Variants in IGSF3 observed in about 807,000 individuals in gnomAD.
IGSF3 encodes immunoglobulin superfamily member 3.
Under a neutral mutation model 114.4 loss-of-function variants are expected in IGSF3, and 23 were observed. That is an observed-to-expected ratio of 0.20 (90% CI 0.14 to 0.28). IGSF3 has a LOEUF of 0.28. Ranked by LOEUF, IGSF3 falls within the 10% of genes least tolerant of loss-of-function variation. IGSF3 has a pLI of 1.00. For synonymous variants in IGSF3, 571 were observed against 645.2 expected, an observed-to-expected ratio of 0.88 and a Z score of 1.74; for missense variants, 1,172 against 1,591.5, an observed-to-expected ratio of 0.74 and a Z score of 4.48.
In IGSF3 at chr1:116,664,100, A is replaced by C. The variant is rs1457967975; in HGVS notation, c.43+2184T>G. Among the ~76,000 whole-genome samples, 1 of 152,146 alleles carries C rather than the reference A, an allele frequency of 6.6e-6. No homozygotes were observed. The highest frequency in any genetic ancestry group is 6.5e-5 in the Admixed American group (1 of 15,280). On this transcript the variant is annotated intron_variant, in intron 2 of 10. Coordinates refer to ENST00000369486, the MANE Select transcript of IGSF3 (RefSeq NM_001007237.3). The surrounding 1 kb of genome is among the most constrained non-coding windows in gnomAD (Gnocchi z 4.6). Reference sequence around the variant, plus strand: ...AGTAGCCAGGCCTCCTTCCTGCCATACTGAGAGCCATCAGGTGAAGAGAAA... The same window carrying C: ...AGTAGCCAGGCCTCCTTCCTGCCATCCTGAGAGCCATCAGGTGAAGAGAAA...
intron 2 of IGSF3, among the ~76,000 whole-genome samples, chr1:116,646,087 T>C (rs571100963): frequency 7.2e-5 from 11 of 152,222 alleles, no homozygotes; most frequent in Non-Finnish European, 4.4e-5. Context: ...TGAGGGGTCA[T>C]AGAAGTGCCT....
At chr1:116,619,016 A>AT (rs996070923) in intron 2 of IGSF3, among the ~76,000 whole-genome samples, 62 of 151,626 alleles carry the variant, frequency 4.1e-4, no homozygotes, top group African/African-American at 1.0e-3. Context: ...ATTAATTAGG[A>AT]TTTTTTTTTG....
chr1:116,601,950 C>G (rs994093057), intron 6 of IGSF3, among the ~76,000 whole-genome samples: 1 of 152,250 alleles, frequency 6.6e-6, no homozygotes, highest in African/African-American at 2.4e-5. Context: ...ATGCCATGGT[C>G]ACAGAGCACC....
In IGSF3 at chr1:116,633,406, T is replaced by A. The variant is rs190902078; in HGVS notation, c.44-16949A>T. On this transcript the variant is annotated intron_variant, in intron 2 of 10. Coordinates refer to ENST00000369486, the MANE Select transcript of IGSF3 (RefSeq NM_001007237.3). The surrounding 1 kb of genome is among the most constrained non-coding windows in gnomAD (Gnocchi z 4.3). ...CTTTTTCTCTAAGGCTGATTCCCTA[T>A]AAGCAAAATTTTAAAATTTTTTTTA... Among the ~76,000 whole-genome samples the A allele has an allele frequency of 6.6e-6, 1 of 152,222 alleles. No individual in the cohort carries two copies. The highest frequency in any genetic ancestry group is 2.4e-5 in the African/African-American group (1 of 41,458).
At chr1:116,640,451 C>T (rs1477239981) in intron 2 of IGSF3, among the ~76,000 whole-genome samples, 2 of 152,218 alleles carry the variant, frequency 1.3e-5, no homozygotes, top group African/African-American at 2.4e-5. Context: ...CACTCTTGCA[C>T]ATTTTTATGC....
Position 116,616,147 on chromosome 1 carries a change from A to T in IGSF3, c.354T>A (p.Tyr118Ter). The change falls in exon 3 of 11, where the codon TAT becomes TAA. Residue 118 changes from tyrosine to a stop codon, truncating the protein, a stop_gained. Transcript: ENST00000369486. LOFTEE classifies it high-confidence loss of function. This position sits in a 1 kb window ranked among gnomAD's most constrained non-coding sequence, Gnocchi z 6.6. The part of the protein sequence containing the change: ...TDLQARDAGE[Y>*]ECHTPSTDKQ... ...TATCAGTGCTGGGTGTGTGGCATTC[A>T]TACTCCCCGGCATCCCGGGCCTGAA... is the stretch of plus-strand genomic sequence containing the variant. 1 of 1,613,828 alleles carries T rather than the reference A, an allele frequency of 6.2e-7. No individual in the cohort carries two copies. Among genetic ancestry groups the T allele is most frequent in the Non-Finnish European group, 8.5e-7 (1 of 1,179,720 alleles).
rs529963341 is a variant in IGSF3 at position 116,579,665 on chromosome 1, C to T, written c.3061G>A (p.Asp1021Asn). The T allele has an allele frequency of 8.4e-5, 129 of 1,542,612 alleles. No individual in the cohort carries two copies. The Middle Eastern group carries it at 8.4e-4, about 10-fold the overall frequency. Residue 1021 changes from aspartate (D) to asparagine (N), a missense_variant, in exon 10 of 11, where the codon GAC becomes AAC. Physicochemically the swap from Asp to Asn is conservative, Grantham distance 23. Coordinates refer to ENST00000369486, the MANE Select transcript of IGSF3 (RefSeq NM_001007237.3). This position sits in a 1 kb window ranked among gnomAD's most constrained non-coding sequence, Gnocchi z 6.4. The stretch of plus-strand genomic sequence containing the variant: ...TCTGTTGGGTCGTCGTCGTCGTCGT[C>T]GTCCTCCTCCTCCTCCTCCTCCCTT... ...EEREEEEEED[D>N]DDDDDPTERT...
Position 116,614,382 on chromosome 1 carries a change from T to C in IGSF3, c.422-207A>G, listed in dbSNP as rs1204363478. 2.0e-5 allele frequency among the ~76,000 whole-genome samples: 3 copies of C among 152,272 alleles called. No homozygotes were observed. Among genetic ancestry groups the C allele is most frequent in the African/African-American group, 7.2e-5 (3 of 41,478 alleles). On this transcript the variant is annotated intron_variant, in intron 3 of 10. Transcript: ENST00000369486. This position sits in a 1 kb window ranked among gnomAD's most constrained non-coding sequence, Gnocchi z 4.5. ...TTTGGAAATGCATTATTTTGGTGCTTACACTTACCTGTCTGGTATTTTAAT... is the reference window on the plus strand; with the variant it reads ...TTTGGAAATGCATTATTTTGGTGCTCACACTTACCTGTCTGGTATTTTAAT...
At chr1:116,620,118 C>T (rs1661367253) in intron 2 of IGSF3, among the ~76,000 whole-genome samples, 1 of 152,128 alleles carries the variant, frequency 6.6e-6, no homozygotes, top group Admixed American at 6.6e-5. Flanking sequence ...CAGTTCCTGG[C>T]ACTGAGCTCC....
Position 116,625,557 on chromosome 1 carries a change from A to G in IGSF3, c.44-9100T>C, listed in dbSNP as rs1451139398. ...TGGGGAAGTTGAGAAAGAGCCTAAC[A>G]GAGGTAAGGAAGAAGACGGATCAGA... On this transcript the variant is annotated intron_variant, in intron 2 of 10. Coordinates refer to ENST00000369486, the MANE Select transcript of IGSF3 (RefSeq NM_001007237.3). The surrounding 1 kb of genome is among the most constrained non-coding windows in gnomAD (Gnocchi z 4.7). Among the ~76,000 whole-genome samples the G allele has an allele frequency of 1.3e-5, 2 of 152,244 alleles. No individual in the cohort carries two copies. Among genetic ancestry groups the G allele is most frequent in the Non-Finnish European group, 2.9e-5 (2 of 68,038 alleles).
intron 5 of IGSF3, among the ~76,000 whole-genome samples, chr1:116,606,101 T>A (rs1041427436): frequency 6.6e-6 from 1 of 152,266 alleles, no homozygotes; most frequent in Admixed American, 6.5e-5. Flanking sequence ...CCGACAATTT[T>A]AAACTCTCTG....
chr1:116,603,849 C>A lies in IGSF3; in HGVS notation c.1399G>T (p.Gly467Cys). Residue 467 changes from glycine (G) to cysteine (C), a missense_variant, in exon 6 of 11, where the codon GGC becomes TGC. Around this residue, in one of 3 missense-constraint regions of IGSF3, gnomAD observed 736 missense variants for 1,042.0 expected, o/e 0.71. Transcript: ENST00000369486. The surrounding 1 kb of genome is among the most constrained non-coding windows in gnomAD (Gnocchi z 7.1). The part of the protein sequence containing the change: ...RSNIMWLDRD[G>C]TVQPGSSYWE... ...TAGGACGAGCCTGGCTGCACGGTGC[C>A]ATCCCGGTCTAGCCACATGATATTG... 6.2e-7 allele frequency: 1 copy of A among 1,614,016 alleles called. No homozygotes were observed. The highest frequency in any genetic ancestry group is 2.2e-5 in the East Asian group (1 of 44,884).
In IGSF3 at chr1:116,598,819, G is replaced by C. The variant is rs1173340183; in HGVS notation, c.2029+1122C>G. Among the ~76,000 whole-genome samples, 1 of 152,222 alleles carries C rather than the reference G, an allele frequency of 6.6e-6. No individual in the cohort carries two copies. The highest frequency in any genetic ancestry group is 6.5e-5 in the Admixed American group (1 of 15,290). On this transcript the variant is annotated intron_variant, in intron 7 of 10. Coordinates refer to ENST00000369486, the MANE Select transcript of IGSF3 (RefSeq NM_001007237.3). The surrounding 1 kb of genome is among the most constrained non-coding windows in gnomAD (Gnocchi z 4.3). Reference sequence around the variant, plus strand: ...CCTCCACCAGCTTCTAACCTGGCAGGAGACAAGGACAGATGCAGGAAAACC... The same window carrying C: ...CCTCCACCAGCTTCTAACCTGGCAGCAGACAAGGACAGATGCAGGAAAACC...
In IGSF3 at chr1:116,579,348, T is replaced by G. The variant is rs777640794; in HGVS notation, c.3334+44A>C. 6 of 1,517,350 alleles carry G rather than the reference T, an allele frequency of 4.0e-6. No homozygotes were observed. The highest frequency in any genetic ancestry group is 1.3e-5 in the South Asian group (1 of 75,506). The allele number at this position is 1,517,350 out of a possible 1,614,324, so 94.0% of individuals were successfully genotyped here. A position where few individuals can be genotyped will look rare whatever the true frequency, so the allele number is the denominator to read the frequency against. On this transcript the variant is annotated intron_variant, in intron 10 of 10. Transcript: ENST00000369486. This position sits in a 1 kb window ranked among gnomAD's most constrained non-coding sequence, Gnocchi z 6.4. ...CTCAAATTTATCTTCCAGACACAGT[T>G]GGAACCAACAGTGACATCCTCCCTC...
In IGSF3 at chr1:116,592,303, T is replaced by C. The variant is rs1176256175; in HGVS notation, c.2030-3199A>G. Among the ~76,000 whole-genome samples the C allele has an allele frequency of 6.6e-6, 1 of 152,168 alleles. No individual in the cohort carries two copies. The highest frequency in any genetic ancestry group is 1.5e-5 in the Non-Finnish European group (1 of 68,018). On this transcript the variant is annotated intron_variant, in intron 7 of 10. Transcript: ENST00000369486. The surrounding 1 kb of genome is among the most constrained non-coding windows in gnomAD (Gnocchi z 4.5). ...CGTGAAAGAAAAGAGTGAGGCTTGG[T>C]TAACCCCCAACAGTGAATTGGCAGG...
Position 116,614,079 on chromosome 1 carries a change from G to T in IGSF3, c.518C>A (p.Thr173Asn). Reference protein sequence around the residue: ...LELTCEVASETIQHSHLSVAW... With the variant: ...LELTCEVASENIQHSHLSVAW... Reference sequence around the variant, plus strand: ...CACAGACAGGTGGCTGTGCTGAATGGTCTCTGAGGCCACCTCACAAGTGAG... The same window carrying T: ...CACAGACAGGTGGCTGTGCTGAATGTTCTCTGAGGCCACCTCACAAGTGAG... The change falls in exon 4 of 11, where the codon ACC becomes AAC. Residue 173 changes from threonine (T) to asparagine (N), a missense_variant. By Grantham distance (65) the Thr-to-Asn change is moderately conservative. This residue lies in a region of IGSF3 where 736 missense variants were observed against 1,042.0 expected (regional missense o/e 0.71). Coordinates refer to ENST00000369486, the MANE Select transcript of IGSF3 (RefSeq NM_001007237.3). This position sits in a 1 kb window ranked among gnomAD's most constrained non-coding sequence, Gnocchi z 4.5. 3 of 1,614,144 alleles carry T rather than the reference G, an allele frequency of 1.9e-6. No individual in the cohort carries two copies. The South Asian group carries it at 3.3e-5, about 18-fold the overall frequency.
At position 116,664,974 on chromosome 1, in the gene IGSF3, T is replaced by C. The variant is rs1649269351; in HGVS notation, c.43+1310A>G. 3.3e-5 allele frequency among the ~76,000 whole-genome samples: 5 copies of C among 152,248 alleles called. No homozygotes were observed. Among genetic ancestry groups the C allele is most frequent in the Admixed American group, 3.3e-4 (5 of 15,276 alleles). ...TCAGAATTTTTAAAAGCTTCCCCAG[T>C]GATTCCAACATGCACACGAGAGTTT... On this transcript the variant is annotated intron_variant, in intron 2 of 10. Transcript: ENST00000369486. This position sits in a 1 kb window ranked among gnomAD's most constrained non-coding sequence, Gnocchi z 4.6.
In IGSF3 at chr1:116,616,998, G is replaced by A. The variant is rs922567838; in HGVS notation, c.44-541C>T. Reference sequence around the variant, plus strand: ...CTGCTCCCCAACACCACCCCAAGGGGCATTCCTTAGTTTCTCTTCCCTCCA... The same window carrying A: ...CTGCTCCCCAACACCACCCCAAGGGACATTCCTTAGTTTCTCTTCCCTCCA... On this transcript the variant is annotated intron_variant, in intron 2 of 10. Coordinates refer to ENST00000369486, the MANE Select transcript of IGSF3 (RefSeq NM_001007237.3). The surrounding 1 kb of genome is among the most constrained non-coding windows in gnomAD (Gnocchi z 6.6). 2.0e-4 allele frequency among the ~76,000 whole-genome samples: 31 copies of A among 152,134 alleles called. No individual in the cohort carries two copies. Among genetic ancestry groups the A allele is most frequent in the Non-Finnish European group, 4.0e-4 (27 of 68,034 alleles).
At chr1:116,604,113 T>C in intron 5 of IGSF3, 88 bp from the exon 6 acceptor site, 1 of 1,179,142 alleles carries the variant, frequency 8.5e-7, no homozygotes, top group Non-Finnish European at 1.2e-6. Context: ...GGGGTGCAAA[T>C]GGAATCATAT....
Sources: gnomAD v4.1 joint callset for allele counts (sites outside exome capture counted in the v4.1 genomes callset) on GRCh38, gnomAD v4.1.1 for gene constraint, gnomAD v4.1.1 regional missense constraint, Gnocchi (gnomAD v3.1) non-coding constraint, MANE v1.5 for transcripts, NCBI Gene and HGNC (gene_info 2026-07-23, HGNC 2026-07-21) for gene names.